The following LRBA variants were observed in gnomAD, a reference collection of about 807,000 sequenced individuals.
LRBA encodes the protein LPS responsive beige-like anchor protein.
In LRBA, 176 loss-of-function variants were observed where a neutral mutation model predicts 330.0. That is an observed-to-expected ratio of 0.53 (90% CI 0.47 to 0.60). The LOEUF (loss-of-function observed/expected upper bound fraction) is 0.60, where lower values mean the gene tolerates loss of function less well. LRBA is among the 20% of genes least tolerant of loss of function. The probability of loss-of-function intolerance (pLI) is 0.00; values close to 1 mark genes in which losing one functional copy is unlikely to be tolerated. For synonymous variants in LRBA, 1,230 were observed against 1,193.0 expected, an observed-to-expected ratio of 1.03 and a Z score of -0.64; for missense variants, 3,259 against 3,444.8, an observed-to-expected ratio of 0.95 and a Z score of 1.35.
chr4:150,849,221 A>C (rs1026736993), intron 25 of LRBA, among the ~76,000 whole-genome samples: 1 of 152,134 alleles, frequency 6.6e-6, no homozygotes, highest in African/African-American at 2.4e-5. Flanking sequence ...TCACTAGCTG[A>C]CTCATACTTA....
At chr4:150,621,660 T>C (rs1436276347) in intron 37 of LRBA, among the ~76,000 whole-genome samples, 1 of 152,240 alleles carries the variant, frequency 6.6e-6, no homozygotes, top group Non-Finnish European at 1.5e-5. Flanking sequence ...TTAAAAAATA[T>C]ATTTCATTTT....
intron 47 of LRBA, among the ~76,000 whole-genome samples, chr4:150,394,188 A>G (rs1561113702): frequency 6.6e-6 from 1 of 152,060 alleles, no homozygotes; most frequent in East Asian, 1.9e-4. Context: ...CCTGTATTAA[A>G]TATCTATTAT....
intron 52 of LRBA, among the ~76,000 whole-genome samples, chr4:150,309,627 A>G (rs1730805046): frequency 6.6e-6 from 1 of 152,162 alleles, no homozygotes; most frequent in South Asian, 2.1e-4. Flanking sequence ...TCCTACAGTA[A>G]TACTGAGCTC....
intron 36 of LRBA, among the ~76,000 whole-genome samples, chr4:150,727,077 T>TTG (rs1553947474): frequency 8.2e-5 from 11 of 134,300 alleles, no homozygotes; most frequent in Non-Finnish European, 1.8e-4. Flanking sequence ...GTTTTTTTTT[T>TTG]TTTTTTTTTT....
chr4:150,731,015 C>T (rs986350436), intron 36 of LRBA, among the ~76,000 whole-genome samples: 8 of 152,068 alleles, frequency 5.3e-5, no homozygotes, highest in Non-Finnish European at 1.2e-4. Flanking sequence ...AAGACTCTGT[C>T]TCAAAAAACA....
chr4:150,297,560 G>C (rs1381743626), intron 53 of LRBA, among the ~76,000 whole-genome samples: 1 of 152,222 alleles, frequency 6.6e-6, no homozygotes, highest in Non-Finnish European at 1.5e-5. Context: ...GCCCAGAAGG[G>C]AAGGTCTTGA....
intron 10 of LRBA, 75 bp from the exon 11 acceptor site, chr4:150,908,542 A>C: frequency 6.8e-7 from 1 of 1,477,376 alleles, no homozygotes; most frequent in Non-Finnish European, 9.2e-7. Context: ...GCACAACAAT[A>C]AATGCAGAAA....
chr4:150,409,259 A>T lies in LRBA; in HGVS notation c.7194+6179T>A, dbSNP rs146289462. Among the ~76,000 whole-genome samples, 695 of 152,184 alleles carry T rather than the reference A, an allele frequency of 4.6e-3. 3 individuals carry two copies. Among genetic ancestry groups the T allele is most frequent in the African/African-American group, 0.016 (666 of 41,542 alleles). The stretch of plus-strand genomic sequence containing the variant: ...TCCTTCCCGTACAGCATTTAGGAGA[A>T]ATCAACCCTGCTAAACTTTGATTTC... On this transcript the variant is annotated intron_variant, in intron 47 of 56. Transcript: ENST00000651943.
At chr4:150,689,658 GC>G (rs1162287411) in intron 36 of LRBA, among the ~76,000 whole-genome samples, 1 of 152,166 alleles carries the variant, frequency 6.6e-6, no homozygotes, top group Non-Finnish European at 1.5e-5. Flanking sequence ...GGGCAAGATG[GC>G]TCACATCTGT....
chr4:150,762,589 C>T (rs1735241957), intron 34 of LRBA, among the ~76,000 whole-genome samples: 1 of 151,732 alleles, frequency 6.6e-6, no homozygotes, highest in Admixed American at 6.6e-5. Flanking sequence ...TGAAATATAC[C>T]TAGATTTGAA....
At chr4:150,997,160 TATAGA>T (rs1361409636) in intron 2 of LRBA, among the ~76,000 whole-genome samples, 1 of 152,242 alleles carries the variant, frequency 6.6e-6, no homozygotes, top group African/African-American at 2.4e-5. Context: ...CATTCAGCAC[TATAGA>T]ATAAAGTCAG....
chr4:150,831,452 T>A (rs944302404), intron 29 of LRBA, among the ~76,000 whole-genome samples: 1 of 152,180 alleles, frequency 6.6e-6, no homozygotes, highest in African/African-American at 2.4e-5. Context: ...CTAACTATAC[T>A]TTTATAACTG....
At chr4:150,310,146 G>A in intron 52 of LRBA, 83 bp downstream of exon 52, 1 of 906,102 alleles carries the variant, frequency 1.1e-6, no homozygotes. Context: ...ATTTTTGGAA[G>A]GAAGCAGATA....
chr4:150,927,517 A>T (rs530858944), intron 4 of LRBA, among the ~76,000 whole-genome samples: 24 of 152,234 alleles, frequency 1.6e-4, no homozygotes, highest in Non-Finnish European at 3.1e-4. Flanking sequence ...CAAAAAGATT[A>T]AAAAAAGAGT....
intron 2 of LRBA, among the ~76,000 whole-genome samples, chr4:151,004,005 C>T (rs1743724022): frequency 6.6e-6 from 1 of 151,462 alleles, no homozygotes. Context: ...ATGCAACCTC[C>T]ACCTCCTGGG....
intron 44 of LRBA, among the ~76,000 whole-genome samples, chr4:150,458,797 T>TAA (rs5862919): frequency 0.22 from 31,835 of 146,208 alleles, 4,182 homozygotes; most frequent in Non-Finnish European, 0.31. Flanking sequence ...TTTTTTTTTT[T>TAA]AAAAAAACAC....
intron 47 of LRBA, among the ~76,000 whole-genome samples, chr4:150,385,721 T>TTAAG (rs1397098003): frequency 1.3e-5 from 2 of 152,144 alleles, no homozygotes; most frequent in African/African-American, 4.8e-5. Flanking sequence ...AAAGTGCTAC[T>TTAAG]TAAGTGCCTG....
intron 40 of LRBA, among the ~76,000 whole-genome samples, chr4:150,551,171 G>T (rs1490185422): frequency 6.6e-6 from 1 of 152,006 alleles, no homozygotes; most frequent in Non-Finnish European, 1.5e-5. Context: ...TTCTGCCCTG[G>T]GATGACTCTC....
chr4:150,574,007 A>C (rs1770214192), intron 40 of LRBA, among the ~76,000 whole-genome samples: 1 of 152,150 alleles, frequency 6.6e-6, no homozygotes, highest in Non-Finnish European at 1.5e-5. Context: ...TCAAGAACTA[A>C]TATTTACACA....
Sources: allele counts gnomAD v4.1 joint callset (sites outside exome capture counted in the v4.1 genomes callset), GRCh38; gene constraint gnomAD v4.1.1; transcripts MANE v1.5; gene names NCBI Gene and HGNC (gene_info 2026-07-23, HGNC 2026-07-21).